Variants in SI observed in about 807,000 individuals in gnomAD.
SI encodes sucrase-isomaltase.
A neutral mutation model predicts 253.3 loss-of-function variants in SI; 235 were observed. The observed-to-expected ratio is 0.93, with a 90% CI of 0.83 to 1.03. The LOEUF (loss-of-function observed/expected upper bound fraction) is 1.03, where lower values mean the gene tolerates loss of function less well. Ranked by LOEUF, SI falls within the 50% of genes least tolerant of loss-of-function variation. SI has a pLI of 0.00. For synonymous variants in SI, 819 were observed against 712.0 expected (o/e 1.15, Z -2.39); for missense variants, 2,442 against 2,211.1 (o/e 1.10, Z -2.09).
intron 17 of SI, among the ~76,000 whole-genome samples, chr3:165,041,474 T>A (rs1323209826): frequency 6.6e-6 from 1 of 152,030 alleles, no homozygotes; most frequent in African/African-American, 2.4e-5. Flanking sequence ...CAAGCTTCGA[T>A]GTGGCGCTCA....
chr3:165,062,986 T>G (rs557911178), intron 8 of SI, among the ~76,000 whole-genome samples: 3 of 152,244 alleles, frequency 2.0e-5, no homozygotes, highest in Admixed American at 6.6e-5. Flanking sequence ...TAATTTTTTA[T>G]TATCACCAAT....
chr3:165,090,184 C>T, the SI span, among the ~76,000 whole-genome samples: 88,036 of 150,332 alleles, frequency 0.59, 26,109 homozygotes, highest in East Asian at 0.81. Flanking sequence ...AGAGAGAACC[C>T]CCCCGCATTG....
At chr3:165,067,223 A>G (rs1299795490) in intron 6 of SI, 117 bp downstream of exon 6, 1 of 732,370 alleles carries the variant, frequency 1.4e-6, no homozygotes, top group African/African-American at 1.8e-5. Context: ...TTATAAACCT[A>G]TCCACCTACC....
chr3:165,032,385 T>C, intron 24 of SI, 137 bp downstream of exon 24: 2 of 565,042 alleles, frequency 3.5e-6, no homozygotes, highest in East Asian at 2.9e-5. Flanking sequence ...AAGAAAAAAA[T>C]GAAGGGAAGA....
chr3:165,058,832 T>C, intron 12 of SI, 131 bp downstream of exon 12: 1 of 668,798 alleles, frequency 1.5e-6, no homozygotes, highest in Non-Finnish European at 2.5e-6. Context: ...ACAATTAAAA[T>C]ATAAAATTCA....
chr3:164,982,207 G>A (rs375905132), intron 47 of SI, 36 bp downstream of exon 47: 52 of 1,539,692 alleles, frequency 3.4e-5, no homozygotes, highest in African/African-American at 2.6e-4. Flanking sequence ...CTTTAAATAC[G>A]TACGCTTTTG....
At chr3:165,025,983 T>C (rs1430607778) in intron 25 of SI, among the ~76,000 whole-genome samples, 2 of 151,406 alleles carry the variant, frequency 1.3e-5, no homozygotes, top group Non-Finnish European at 3.0e-5. Flanking sequence ...ACCTCACATC[T>C]CAATACTGAC....
chr3:165,006,724 G>T (rs1291152417), intron 37 of SI, 92 bp downstream of exon 37: 2 of 1,111,194 alleles, frequency 1.8e-6, no homozygotes, highest in Admixed American at 1.8e-5. Context: ...AGAGATACAA[G>T]AGAAGATTGT....
intron 2 of SI, among the ~76,000 whole-genome samples, chr3:165,075,562 C>T (rs542531783): frequency 3.3e-5 from 5 of 151,818 alleles, no homozygotes; most frequent in African/African-American, 7.3e-5. Context: ...GAGCAAAAAC[C>T]CAGGTTTTCC....
chr3:165,019,852 AGATT>A, intron 27 of SI, 82 bp from the exon 28 acceptor site: 1 of 1,224,786 alleles, frequency 8.2e-7, no homozygotes, highest in Non-Finnish European at 1.2e-6. Context: ...ATTCTTTCTT[AGATT>A]ATCTAAAAAT....
At chr3:165,058,255 C>T (rs970357370) in intron 12 of SI, among the ~76,000 whole-genome samples, 1 of 151,626 alleles carries the variant, frequency 6.6e-6, no homozygotes, top group Non-Finnish European at 1.5e-5. Flanking sequence ...AATGGAAACA[C>T]AATGTACCAA....
At chr3:165,043,982 C>T (rs1380670421) in intron 16 of SI, among the ~76,000 whole-genome samples, 2 of 151,888 alleles carry the variant, frequency 1.3e-5, no homozygotes, top group Admixed American at 1.3e-4. Flanking sequence ...ATCTGAAATA[C>T]TTCAAAATCC....
At chr3:165,024,415 A>C (rs1711791721) in intron 25 of SI, among the ~76,000 whole-genome samples, 1 of 151,222 alleles carries the variant, frequency 6.6e-6, no homozygotes, top group South Asian at 2.1e-4. Context: ...TTGTTTATTA[A>C]ATTATTATAT....
In SI at chr3:165,058,970, A is replaced by G. The variant is rs781165527; in HGVS notation, c.1391T>C (p.Ile464Thr). 28 of 1,610,896 alleles carry G rather than the reference A, an allele frequency of 1.7e-5. No homozygotes were observed. The highest frequency in any genetic ancestry group is 1.1e-4 in the East Asian group (5 of 44,732). ...ATAAATATCATATTTTACCTCTCCA[A>G]TAATTGGTGTACTTCCATCTGACTC... ...INESDGSTPI[I>T]GEVWPGLTVY... is the part of the protein sequence containing the mutation. The change falls in exon 12 of 48, where the codon ATT (isoleucine) becomes ACT (threonine). Residue 464 changes from isoleucine to threonine, a missense_variant. Ile to Thr is a moderately conservative substitution (Grantham distance 89, BLOSUM62 -1). Coordinates refer to ENST00000264382, the MANE Select transcript of SI (RefSeq NM_001041.4).
chr3:164,994,537 C>T (rs1717924037), intron 40 of SI, 132 bp from the exon 41 acceptor site: 1 of 865,052 alleles, frequency 1.2e-6, no homozygotes, highest in African/African-American at 1.7e-5. Flanking sequence ...TACTTTCTTC[C>T]CAAAATCTTA....
intron 37 of SI, among the ~76,000 whole-genome samples, chr3:164,999,004 G>A (rs1289592409): frequency 6.6e-6 from 1 of 151,736 alleles, no homozygotes; most frequent in Non-Finnish European, 1.5e-5. Context: ...TTACTTTAAT[G>A]TATTTTTAAT....
chr3:164,989,447 AGAG>A (rs1717625171), intron 44 of SI, among the ~76,000 whole-genome samples: 1 of 149,230 alleles, frequency 6.7e-6, no homozygotes, highest in East Asian at 2.0e-4. Context: ...GAAAGAAAGA[AGAG>A]AGGAGAGGAG....
intron 3 of SI, among the ~76,000 whole-genome samples, chr3:165,074,016 A>C (rs937510721): frequency 6.6e-6 from 1 of 152,068 alleles, no homozygotes. Context: ...TGGGGAAAAA[A>C]AGGAAGAGTG....
chr3:165,056,762 T>C (rs574418034), intron 12 of SI, among the ~76,000 whole-genome samples: 3 of 152,226 alleles, frequency 2.0e-5, no homozygotes, highest in East Asian at 1.9e-4. Context: ...CATGGCATTA[T>C]TGGGCTTGAG....
Sources: allele counts gnomAD v4.1 joint callset (sites outside exome capture counted in the v4.1 genomes callset), GRCh38; gene constraint gnomAD v4.1.1; transcripts MANE v1.5; gene names NCBI Gene and HGNC (gene_info 2026-07-23, HGNC 2026-07-21).